The following MAST2 variants were observed in gnomAD, a reference collection of about 807,000 sequenced individuals.
MAST2 encodes microtubule-associated serine/threonine-protein kinase 2.
In MAST2, 70 loss-of-function variants were observed where a neutral mutation model predicts 147.4. The ratio of observed to expected loss-of-function variants is 0.47; its 90% confidence interval spans 0.39 to 0.58. The LOEUF (loss-of-function observed/expected upper bound fraction) is 0.58. MAST2 is among the 20% of genes least tolerant of loss of function. The pLI is 0.00. For synonymous variants in MAST2, 869 were observed against 896.8 expected, an observed-to-expected ratio of 0.97 and a Z score of 0.55; for missense variants, 2,080 against 2,302.3, an observed-to-expected ratio of 0.90 and a Z score of 1.98.
chr1:46,007,893 T>C (rs947204180), intron 8 of MAST2, among the ~76,000 whole-genome samples: 10 of 152,212 alleles, frequency 6.6e-5, no homozygotes, highest in African/African-American at 2.4e-4. Context: ...CGTCTTCCTT[T>C]GGTTGCTTTG....
chr1:45,828,813 A>G (rs1644867715), intron 2 of MAST2, among the ~76,000 whole-genome samples: 1 of 152,086 alleles, frequency 6.6e-6, no homozygotes, highest in Non-Finnish European at 1.5e-5. Context: ...AGTCCCAGCT[A>G]CTCAGGAGGC....
chr1:45,911,331 C>G (rs922506626), intron 4 of MAST2, among the ~76,000 whole-genome samples: 1 of 152,138 alleles, frequency 6.6e-6, no homozygotes, highest in Non-Finnish European at 1.5e-5. Context: ...TAAAATATGG[C>G]TTTCATTCTC....
chr1:45,879,446 G>A (rs1463333076), intron 3 of MAST2, among the ~76,000 whole-genome samples: 1 of 151,864 alleles, frequency 6.6e-6, no homozygotes, highest in Non-Finnish European at 1.5e-5. Context: ...GGTGATGGGT[G>A]CCTGTAATCC....
At position 45,978,652 on chromosome 1, in the gene MAST2, A is replaced by G. The variant is rs568925340; in HGVS notation, c.593-19072A>G. ...ATCCATAAGTGCTGCTGGTGAGTGT[A>G]TAAATTAATACAACTATTTTGCAAA... is the stretch of plus-strand genomic sequence containing the variant. On this transcript the variant is annotated intron_variant, in intron 5 of 28. Coordinates refer to ENST00000361297, the MANE Select transcript of MAST2 (RefSeq NM_015112.3). Among the ~76,000 whole-genome samples the G allele has an allele frequency of 2.0e-5, 3 of 152,392 alleles. No homozygotes were observed. The East Asian group carries it at 5.8e-4, about 29-fold the overall frequency.
intron 1 of MAST2, among the ~76,000 whole-genome samples, chr1:45,819,999 G>T (rs566069839): frequency 1.3e-5 from 2 of 152,062 alleles, no homozygotes; most frequent in Non-Finnish European, 2.9e-5. Context: ...AACAAACAGA[G>T]ACCAATAGAA....
At chr1:46,026,163 T>C (rs918919928) in intron 16 of MAST2, among the ~76,000 whole-genome samples, 1 of 152,088 alleles carries the variant, frequency 6.6e-6, no homozygotes, top group African/African-American at 2.4e-5. Context: ...ATATTGTGGG[T>C]TTTTAAATGT....
At chr1:46,029,627 C>A in intron 19 of MAST2, 60 bp downstream of exon 19, 2 of 1,523,844 alleles carry the variant, frequency 1.3e-6, no homozygotes, top group South Asian at 2.3e-5. Context: ...GAGGCTGAGT[C>A]ATGTACCCTG....
At position 46,021,971 on chromosome 1, in the gene MAST2, TACC is replaced by T. The variant is rs1205699192; in HGVS notation, c.1316_1318del (p.His439del). On this transcript the variant is annotated inframe_deletion, in exon 12 of 29. Coordinates refer to ENST00000361297, the MANE Select transcript of MAST2 (RefSeq NM_015112.3). ...ACAGGAGTTTGACCCTGAAGAGTTCTACCACCTTTTAGAAGCAGCTGAGGGCCA... is the reference window on the plus strand; with the variant it reads ...ACAGGAGTTTGACCCTGAAGAGTTCTACCTTTTAGAAGCAGCTGAGGGCCA... The T allele has an allele frequency of 6.2e-7, 1 of 1,614,240 alleles. No individual in the cohort carries two copies. The highest frequency in any genetic ancestry group is 1.1e-5 in the South Asian group (1 of 91,082).
chr1:45,877,487 G>A (rs1646656648), intron 3 of MAST2, among the ~76,000 whole-genome samples: 1 of 152,034 alleles, frequency 6.6e-6, no homozygotes, highest in Non-Finnish European at 1.5e-5. Flanking sequence ...CTATCACATT[G>A]GATTTTAAAG....
intron 4 of MAST2, among the ~76,000 whole-genome samples, chr1:45,896,464 A>C (rs1648751101): frequency 6.6e-6 from 1 of 152,148 alleles, no homozygotes; most frequent in South Asian, 2.1e-4. Flanking sequence ...CACTTCAATA[A>C]CTTCCATGTG....
At chr1:45,819,135 C>T (rs1209369527) in intron 1 of MAST2, among the ~76,000 whole-genome samples, 2 of 151,920 alleles carry the variant, frequency 1.3e-5, no homozygotes, top group African/African-American at 4.8e-5. Context: ...CACCTGTAAT[C>T]CCAGCTACTT....
intron 5 of MAST2, among the ~76,000 whole-genome samples, chr1:45,990,422 C>T (rs909466736): frequency 8.5e-5 from 13 of 152,076 alleles, no homozygotes; most frequent in African/African-American, 3.1e-4. Flanking sequence ...GAGTTCTTTA[C>T]ACATTTGTCT....
At chr1:45,819,433 G>A (rs1409380937) in intron 1 of MAST2, among the ~76,000 whole-genome samples, 1 of 152,112 alleles carries the variant, frequency 6.6e-6, no homozygotes. Context: ...CTTGTTTGCA[G>A]ATGATTTGAT....
At chr1:45,977,188 C>T (rs1644195007) in intron 5 of MAST2, among the ~76,000 whole-genome samples, 1 of 152,198 alleles carries the variant, frequency 6.6e-6, no homozygotes, top group African/African-American at 2.4e-5. Flanking sequence ...AATTTGACTA[C>T]ATTTAAAATG....
At chr1:45,879,236 A>G (rs1557860780) in intron 3 of MAST2, among the ~76,000 whole-genome samples, 1 of 152,124 alleles carries the variant, frequency 6.6e-6, no homozygotes, top group Admixed American at 6.6e-5. Context: ...ATGAACCTTA[A>G]TTTCATCTCA....
At chr1:45,939,979 G>GTTTTTTT (rs148351945) in intron 4 of MAST2, among the ~76,000 whole-genome samples, 123 of 28,622 alleles carry the variant, frequency 4.3e-3, no homozygotes, top group South Asian at 6.5e-3. Context: ...ATTTATTTAG[G>GTTTTTTT]GTTTTTTTTT....
At chr1:45,848,249 C>T (rs1645506560) in intron 3 of MAST2, among the ~76,000 whole-genome samples, 1 of 152,208 alleles carries the variant, frequency 6.6e-6, no homozygotes, top group African/African-American at 2.4e-5. Flanking sequence ...AAGGCCGACC[C>T]TTGGCTGGTA....
chr1:45,878,049 CA>C (rs1646680493), intron 3 of MAST2, among the ~76,000 whole-genome samples: 2 of 151,730 alleles, frequency 1.3e-5, no homozygotes, highest in Non-Finnish European at 2.9e-5. Flanking sequence ...ACTAAAAATA[CA>C]AAAATTAGCC....
At chr1:45,881,128 C>G (rs1424168424) in intron 3 of MAST2, among the ~76,000 whole-genome samples, 1 of 152,038 alleles carries the variant, frequency 6.6e-6, no homozygotes, top group Non-Finnish European at 1.5e-5. Flanking sequence ...CTCAGTAGTT[C>G]AACATCCAAG....
Sources: allele counts gnomAD v4.1 joint callset (sites outside exome capture counted in the v4.1 genomes callset), GRCh38; gene constraint gnomAD v4.1.1; transcripts MANE v1.5; gene names NCBI Gene and HGNC (gene_info 2026-07-23, HGNC 2026-07-21).